Variants in ASXL3 observed in about 807,000 individuals in gnomAD.
ASXL3 encodes the protein putative Polycomb group protein ASXL3.
A neutral mutation model predicts 170.6 loss-of-function variants in ASXL3; 34 were observed. The ratio of observed to expected loss-of-function variants is 0.20; its 90% CI spans 0.15 to 0.27. The LOEUF (loss-of-function observed/expected upper bound fraction) is 0.27, where lower values mean the gene tolerates loss of function less well. Among genes scored for constraint, ASXL3 ranks in the 10% least tolerant of loss-of-function variants. The probability of loss-of-function intolerance (pLI) is 1.00; values close to 1 mark genes in which losing one functional copy is unlikely to be tolerated. For synonymous variants in ASXL3, 1,002 were observed against 989.1 expected, an observed-to-expected ratio of 1.01 and a Z score of -0.24; for missense variants, 2,592 against 2,695.3, an observed-to-expected ratio of 0.96 and a Z score of 0.85.
Position 33,598,886 on chromosome 18 carries a change from A to C in ASXL3, c.55-8708A>C, listed in dbSNP as rs1026900489. ...TTCTCCCACTTTCTAGCTGTGTAACACTGGGCAAATTAAATTAACTCCTTT... is the reference window on the plus strand; with the variant it reads ...TTCTCCCACTTTCTAGCTGTGTAACCCTGGGCAAATTAAATTAACTCCTTT... On this transcript the variant is annotated intron_variant, in intron 1 of 11. Transcript: ENST00000269197. 6.6e-5 allele frequency among the ~76,000 whole-genome samples: 10 copies of C among 152,170 alleles called. 1 individual carries two copies. Among genetic ancestry groups the C allele is most frequent in the African/African-American group, 2.4e-4 (10 of 41,450 alleles).
At position 33,739,542 on chromosome 18, in the gene ASXL3, C is replaced by T; in HGVS notation, c.2138C>T (p.Thr713Ile). ...TCACCAGTATCCAACTTACCTTTAA[C>T]ATCAGAAACCTCACCGATGTCTGAC... is the stretch of plus-strand genomic sequence containing the variant. ...EASPVSNLPL[T>I]SETSPMSDLP... is the part of the protein sequence containing the mutation. Residue 713 changes from threonine to isoleucine, a missense_variant, in exon 11 of 12, where the codon ACA (threonine) becomes ATA (isoleucine). Physicochemically the swap from Thr to Ile is moderately conservative, Grantham distance 89. Coordinates refer to ENST00000269197, the MANE Select transcript of ASXL3 (RefSeq NM_030632.3). The T allele has an allele frequency of 1.2e-6, 2 of 1,613,962 alleles. No homozygotes were observed. Among genetic ancestry groups the T allele is most frequent in the East Asian group, 2.2e-5 (1 of 44,884 alleles).
At chr18:33,655,439 T>C (rs910185292) in intron 4 of ASXL3, among the ~76,000 whole-genome samples, 1 of 151,958 alleles carries the variant, frequency 6.6e-6, no homozygotes, top group African/African-American at 2.4e-5. Context: ...TAGGAAAAAA[T>C]TGCTGTTTCC....
chr18:33,696,981 T>C (rs4799714), intron 8 of ASXL3, among the ~76,000 whole-genome samples: 84,863 of 151,958 alleles, frequency 0.56, 24,080 homozygotes, highest in East Asian at 0.87. Flanking sequence ...TGTTTATTTG[T>C]GGATGAAATA....
intron 2 of ASXL3, among the ~76,000 whole-genome samples, chr18:33,628,935 G>A (rs1002559401): frequency 1.3e-5 from 2 of 152,026 alleles, no homozygotes; most frequent in Admixed American, 1.3e-4. Context: ...GTTGATGATC[G>A]CTGTCTCTCA....
intron 8 of ASXL3, among the ~76,000 whole-genome samples, chr18:33,731,599 C>T (rs1416041374): frequency 1.3e-5 from 2 of 152,148 alleles, no homozygotes; most frequent in East Asian, 3.9e-4. Context: ...TCACCTAATG[C>T]TTGACATTGT....
chr18:33,739,360 G>A lies in ASXL3; in HGVS notation c.1956G>A (p.Glu652=), dbSNP rs2067612237. ...CCCTTGAGACAACATTTTGTTCTGA[G>A]GTATCTAGCACTGAAAATACAGACA... ...PASLETTFCS[E]VSSTENTDKY... is the part of the protein sequence containing the mutation. The change falls in exon 11 of 12, where the codon GAG becomes GAA. Residue 652 remains glutamate (E), a synonymous_variant. Coordinates refer to ENST00000269197, the MANE Select transcript of ASXL3 (RefSeq NM_030632.3). The A allele has an allele frequency of 1.9e-6, 3 of 1,613,470 alleles. No individual in the cohort carries two copies. The highest frequency in any genetic ancestry group is 2.2e-5 in the South Asian group (2 of 91,056).
rs547967956 is a variant in ASXL3, at chr18:33,710,300, G to C, written c.880-21668G>C. ...AAAACAAAACTGACTGGTGGTCATT[G>C]ATCAATGTGTTATTTTTCCCCCACT... On this transcript the variant is annotated intron_variant, in intron 8 of 11. Coordinates refer to ENST00000269197, the MANE Select transcript of ASXL3 (RefSeq NM_030632.3). Among the ~76,000 whole-genome samples the C allele has an allele frequency of 4.6e-5, 7 of 152,176 alleles. No individual in the cohort carries two copies. In the South Asian group the frequency reaches 1.5e-3, roughly 32 times the overall value.
Position 33,695,839 on chromosome 18 carries a change from A to G in ASXL3, c.879+12271A>G, listed in dbSNP as rs143505911. Among the ~76,000 whole-genome samples, 286 of 152,270 alleles carry G rather than the reference A, an allele frequency of 1.9e-3. 1 individual carries two copies. Among genetic ancestry groups the G allele is most frequent in the Middle Eastern group, 0.01 (3 of 294 alleles). Reference sequence around the variant, plus strand: ...TAATCCACTACCACTAGCATATTGGATTACTAAATACTTAGTATTGCCCTC... The same window carrying G: ...TAATCCACTACCACTAGCATATTGGGTTACTAAATACTTAGTATTGCCCTC... On this transcript the variant is annotated intron_variant, in intron 8 of 11. Coordinates refer to ENST00000269197, the MANE Select transcript of ASXL3 (RefSeq NM_030632.3).
intron 8 of ASXL3, among the ~76,000 whole-genome samples, chr18:33,688,303 CAG>C (rs1227742024): frequency 2.0e-5 from 3 of 152,124 alleles, no homozygotes; most frequent in Non-Finnish European, 2.9e-5. Context: ...GAAGTTTTAT[CAG>C]GGGATACACA....
At chr18:33,704,482 A>G (rs2066926070) in intron 8 of ASXL3, among the ~76,000 whole-genome samples, 2 of 152,158 alleles carry the variant, frequency 1.3e-5, no homozygotes, top group South Asian at 2.1e-4. Flanking sequence ...AGTGATCACA[A>G]TAATACAAAT....
At chr18:33,589,266 G>A (rs1421642153) in intron 1 of ASXL3, among the ~76,000 whole-genome samples, 1 of 152,142 alleles carries the variant, frequency 6.6e-6, no homozygotes, top group Non-Finnish European at 1.5e-5. Flanking sequence ...AAGATAATGT[G>A]TGTAGCGTAG....
intron 1 of ASXL3, among the ~76,000 whole-genome samples, chr18:33,597,607 T>C (rs2065140153): frequency 6.6e-6 from 1 of 152,072 alleles, no homozygotes; most frequent in Admixed American, 6.6e-5. Context: ...TACATTGTAA[T>C]AGTACTGTTA....
chr18:33,709,180 ACT>A (rs1036150169), intron 8 of ASXL3, among the ~76,000 whole-genome samples: 2 of 152,116 alleles, frequency 1.3e-5, no homozygotes, highest in Non-Finnish European at 2.9e-5. Context: ...AGCAAATAGA[ACT>A]CTATTGGTGG....
At chr18:33,606,112 A>G (rs1357160462) in intron 1 of ASXL3, among the ~76,000 whole-genome samples, 1 of 151,530 alleles carries the variant, frequency 6.6e-6, no homozygotes, top group Non-Finnish European at 1.5e-5. Context: ...CCTTCTTTAC[A>G]GCTCTATTAT....
intron 5 of ASXL3, among the ~76,000 whole-genome samples, chr18:33,666,638 T>G (rs1159693498): frequency 6.6e-6 from 1 of 152,116 alleles, no homozygotes; most frequent in Non-Finnish European, 1.5e-5. Context: ...AAGTAGGAAT[T>G]TTCTTGTTTT....
At chr18:33,607,178 T>C (rs527400052) in intron 1 of ASXL3, among the ~76,000 whole-genome samples, 1 of 152,116 alleles carries the variant, frequency 6.6e-6, no homozygotes, top group East Asian at 1.9e-4. Flanking sequence ...TGACCAGCAC[T>C]CCGTTCTCTT....
intron 2 of ASXL3, among the ~76,000 whole-genome samples, chr18:33,629,491 T>C (rs182219623): frequency 1.3e-5 from 2 of 152,240 alleles, no homozygotes; most frequent in East Asian, 3.9e-4. Context: ...GGTAGTTCTC[T>C]ATAATTTTAG....
At position 33,746,298 on chromosome 18, in the gene ASXL3, C is replaced by T. The variant is rs778426706; in HGVS notation, c.6450C>T (p.Leu2150=). The change falls in exon 12 of 12, where the codon CTC becomes CTT. Residue 2150 remains leucine (L), a synonymous_variant. Transcript: ENST00000269197. ...TGCAGGTGCAGCAACAACAGCAGCT[C>T]TGTGGAAATTATCCAACAATACACT... ...QKMQVQQQQQ[L]CGNYPTIHFG... 6.2e-7 allele frequency: 1 copy of T among 1,613,990 alleles called. No homozygotes were observed. The highest frequency in any genetic ancestry group is 2.2e-5 in the East Asian group (1 of 44,868).
intron 2 of ASXL3, among the ~76,000 whole-genome samples, chr18:33,611,340 T>C (rs939585334): frequency 3.3e-5 from 5 of 152,128 alleles, no homozygotes; most frequent in African/African-American, 1.2e-4. Flanking sequence ...AATGATTTTT[T>C]AAGATCTGGT....
Sources: gnomAD v4.1 joint callset for allele counts (sites outside exome capture counted in the v4.1 genomes callset) on GRCh38, gnomAD v4.1.1 for gene constraint, MANE v1.5 for transcripts, NCBI Gene and HGNC (gene_info 2026-07-23, HGNC 2026-07-21) for gene names.